Variants in CRACD observed in about 807,000 individuals in gnomAD.
CRACD encodes the protein capping protein inhibiting regulator of actin dynamics, also known as capping protein-inhibiting regulator of actin dynamics.
In CRACD, 56 loss-of-function variants were observed where a neutral mutation model predicts 106.8. That is an observed-to-expected ratio of 0.52 (90% CI 0.42 to 0.66). The LOEUF (loss-of-function observed/expected upper bound fraction) is 0.66, where lower values mean the gene tolerates loss of function less well. Ranked by LOEUF, CRACD falls within the 30% of genes least tolerant of loss-of-function variation. CRACD has a pLI of 0.00. For missense variants in CRACD, 1,730 were observed against 1,623.2 expected (o/e 1.07, Z -1.13); for synonymous variants, 754 against 670.8 (o/e 1.12, Z -1.92).
intron 1 of CRACD, among the ~76,000 whole-genome samples, chr4:56,130,204 G>A (rs1734781263): frequency 6.6e-6 from 1 of 152,090 alleles, no homozygotes; most frequent in African/African-American, 2.4e-5. Flanking sequence ...CCAGGAGGTT[G>A]AGGCTATAGC....
intron 2 of CRACD, among the ~76,000 whole-genome samples, chr4:56,248,872 A>C (rs1157019093): frequency 7.5e-5 from 11 of 147,178 alleles, no homozygotes; most frequent in Non-Finnish European, 1.2e-4. Flanking sequence ...GATGATTTCC[A>C]ATTTCATCCA....
chr4:56,178,314 T>G (rs932136675), intron 1 of CRACD, among the ~76,000 whole-genome samples: 1 of 152,164 alleles, frequency 6.6e-6, no homozygotes, highest in Non-Finnish European at 1.5e-5. Flanking sequence ...AAATAGCCAC[T>G]TTCTGCTAGG....
intron 2 of CRACD, among the ~76,000 whole-genome samples, chr4:56,226,848 G>A (rs900064457): frequency 6.8e-6 from 1 of 147,792 alleles, no homozygotes; most frequent in Non-Finnish European, 1.5e-5. Flanking sequence ...CTCTCTCTGT[G>A]TGTGTCTCTT....
intron 1 of CRACD, among the ~76,000 whole-genome samples, chr4:56,156,306 A>C (rs1005453897): frequency 1.3e-5 from 2 of 152,198 alleles, no homozygotes; most frequent in East Asian, 3.9e-4. Flanking sequence ...TTCAAGGTGC[A>C]GTTCAGTGGC....
chr4:56,175,045 T>G (rs1037845975), intron 1 of CRACD, among the ~76,000 whole-genome samples: 6 of 152,276 alleles, frequency 3.9e-5, no homozygotes, highest in African/African-American at 1.4e-4. Context: ...ATCCCCATGA[T>G]CCAGTCACCT....
chr4:56,089,687 A>AT, intron 1 of CRACD, among the ~76,000 whole-genome samples: 1 of 151,610 alleles, frequency 6.6e-6, no homozygotes, highest in South Asian at 2.1e-4. Context: ...CTAATTTTGT[A>AT]TTTTTTAGTA....
chr4:56,253,757 G>A (rs1741178957), intron 2 of CRACD, among the ~76,000 whole-genome samples: 1 of 152,170 alleles, frequency 6.6e-6, no homozygotes. Context: ...CAGCTGTGGG[G>A]CTCCTGTGGC....
intron 2 of CRACD, among the ~76,000 whole-genome samples, chr4:56,212,496 T>G (rs966430278): frequency 3.3e-5 from 5 of 152,246 alleles, no homozygotes; most frequent in African/African-American, 9.6e-5. Context: ...CCCTGAGTTC[T>G]TTCTTGTGCA....
At chr4:56,245,100 T>G (rs1247078635) in intron 2 of CRACD, among the ~76,000 whole-genome samples, 1 of 152,252 alleles carries the variant, frequency 6.6e-6, no homozygotes. Context: ...AAAGCTGCCT[T>G]CATCTAGAAA....
chr4:56,194,999 T>C (rs1737539601), intron 2 of CRACD, among the ~76,000 whole-genome samples: 2 of 152,164 alleles, frequency 1.3e-5, no homozygotes, highest in South Asian at 2.1e-4. Flanking sequence ...AAGTAATACA[T>C]TTAGGACTTT....
intron 3 of CRACD, among the ~76,000 whole-genome samples, chr4:56,286,525 C>CAAAAAAAAAAAAAAAACAAAAAAAA (rs1743356903): frequency 1.1e-5 from 1 of 89,382 alleles, no homozygotes; most frequent in Admixed American, 1.3e-4. Context: ...GACTCCGTCT[C>CAAAAAAAAAAAAAAAACAAAAAAAA]AAAAAAAAAA....
At chr4:56,133,544 C>G (rs1174811098) in intron 1 of CRACD, among the ~76,000 whole-genome samples, 1 of 152,174 alleles carries the variant, frequency 6.6e-6, no homozygotes, top group Non-Finnish European at 1.5e-5. Flanking sequence ...ACAATATTTA[C>G]TGAGCATTTA....
intron 1 of CRACD, among the ~76,000 whole-genome samples, chr4:56,080,467 A>G (rs1479811555): frequency 6.6e-6 from 1 of 152,256 alleles, no homozygotes; most frequent in Non-Finnish European, 1.5e-5. Context: ...ACGCAAGTCC[A>G]AAGATCAGAT....
chr4:56,161,700 T>C (rs1437595451), intron 1 of CRACD, among the ~76,000 whole-genome samples: 1 of 151,802 alleles, frequency 6.6e-6, no homozygotes, highest in Non-Finnish European at 1.5e-5. Flanking sequence ...CCTCAGATGA[T>C]CCACCTGCCT....
At chr4:56,215,078 T>C (rs958443949) in intron 2 of CRACD, among the ~76,000 whole-genome samples, 4 of 152,242 alleles carry the variant, frequency 2.6e-5, no homozygotes, top group African/African-American at 9.6e-5. Context: ...GGCGCAGTCA[T>C]AGCTTACTCT....
At chr4:56,251,590 G>A (rs1466242807) in intron 2 of CRACD, among the ~76,000 whole-genome samples, 1 of 152,184 alleles carries the variant, frequency 6.6e-6, no homozygotes, top group Non-Finnish European at 1.5e-5. Context: ...CATGTTTAAT[G>A]AAGCGTTCTT....
chr4:56,141,843 G>A lies in CRACD; in HGVS notation c.-335-37441G>A, dbSNP rs529879475. ...CAAATAGCTGGGACTGCAGGCACGCGCCACCATGTTGGCTAGTTTAAAAAA... is the reference window on the plus strand; with the variant it reads ...CAAATAGCTGGGACTGCAGGCACGCACCACCATGTTGGCTAGTTTAAAAAA... On this transcript the variant is annotated intron_variant, in intron 1 of 10. Transcript: ENST00000682029. Among the ~76,000 whole-genome samples, 200 of 151,394 alleles carry A rather than the reference G, an allele frequency of 1.3e-3. 2 individuals are homozygous for A. In the Middle Eastern group the frequency reaches 0.014, roughly 10 times the overall value.
chr4:56,122,225 C>T (rs554290947), intron 1 of CRACD, among the ~76,000 whole-genome samples: 68 of 149,020 alleles, frequency 4.6e-4, no homozygotes, highest in South Asian at 2.3e-3. Context: ...AGGAGATTAG[C>T]GATACTAAAT....
rs765204431 is a variant in CRACD at position 56,314,212 on chromosome 4, G to A, written c.710G>A (p.Arg237Gln). 1.9e-6 allele frequency: 3 copies of A among 1,607,950 alleles called. No individual in the cohort carries two copies. In the African/African-American group the frequency reaches 4.0e-5, roughly 21 times the overall value. The change falls in exon 8 of 11, where the codon CGG becomes CAG. Residue 237 changes from arginine (R) to glutamine (Q), a missense_variant. By Grantham distance (43) the Arg-to-Gln change is conservative. Transcript: ENST00000682029. The surrounding 1 kb of genome is among the most constrained non-coding windows in gnomAD (Gnocchi z 4.4). ...YWRELEAKCKRQKAEAAEKRR... is the reference protein window; with the variant it reads ...YWRELEAKCKQQKAEAAEKRR... Reference sequence around the variant, plus strand: ...CGAGAACTGGAGGCCAAGTGCAAGCGGCAAAAGGCGGAAGCAGCCGAGAAG... The same window carrying A: ...CGAGAACTGGAGGCCAAGTGCAAGCAGCAAAAGGCGGAAGCAGCCGAGAAG...
Sources: allele counts gnomAD v4.1 joint callset (sites outside exome capture counted in the v4.1 genomes callset), GRCh38; gene constraint gnomAD v4.1.1; non-coding constraint Gnocchi (gnomAD v3.1); transcripts MANE v1.5; gene names NCBI Gene and HGNC (gene_info 2026-07-23, HGNC 2026-07-21).